The following TP63 variants were observed in gnomAD, a reference collection of about 807,000 sequenced individuals.
The protein encoded by TP63 is tumor protein 63.
TP63 carries 17 observed loss-of-function variants against 82.8 expected under a neutral mutation model. The ratio of observed to expected loss-of-function variants is 0.21; its 90% CI spans 0.14 to 0.31. The LOEUF is 0.31. Ranked by LOEUF, TP63 falls within the 10% of genes least tolerant of loss-of-function variation. The pLI is 1.00. For synonymous variants in TP63, 330 were observed against 321.7 expected (o/e 1.03, Z -0.28); for missense variants, 648 against 895.3 (o/e 0.72, Z 3.52).
At chr3:189,630,527 G>C (rs1729418021), upstream of TP63, among the ~76,000 whole-genome samples, 2 of 152,082 alleles carry the variant, frequency 1.3e-5, no homozygotes, top group African/African-American at 4.8e-5. Context: ...AGCAAAAACT[G>C]TAAGACATAA....
intron 3 of TP63, among the ~76,000 whole-genome samples, chr3:189,774,753 C>T (rs1451665464): frequency 6.6e-6 from 1 of 152,122 alleles, no homozygotes; most frequent in Non-Finnish European, 1.5e-5. Context: ...GTATCAGAAC[C>T]CAGACCTTTT....
chr3:189,624,698 G>A, the TP63 span, among the ~76,000 whole-genome samples: 1 of 152,104 alleles, frequency 6.6e-6, no homozygotes, highest in Non-Finnish European at 1.5e-5. Flanking sequence ...TAGAGAGGGG[G>A]TTTTGATTAA....
At chr3:189,880,059 T>C in intron 10 of TP63, 2 of 1,613,736 alleles carry the variant, frequency 1.2e-6, no homozygotes, top group South Asian at 1.1e-5. Context: ...GGTTCCTCTC[T>C]GCAGTCTCCT....
chr3:189,812,970 A>G (rs958363762), intron 4 of TP63, among the ~76,000 whole-genome samples: 3 of 152,226 alleles, frequency 2.0e-5, no homozygotes, highest in Non-Finnish European at 2.9e-5. Context: ...TAGATGGTAT[A>G]GGGTGATAAC....
At chr3:189,620,108 C>T in the TP63 span, among the ~76,000 whole-genome samples, 12 of 152,358 alleles carry the variant, frequency 7.9e-5, no homozygotes, top group African/African-American at 2.6e-4. Context: ...TGTGGTGGCT[C>T]ATGCCTGTAA....
intron 4 of TP63, among the ~76,000 whole-genome samples, chr3:189,841,322 A>T (rs895250065): frequency 6.6e-6 from 1 of 152,218 alleles, no homozygotes; most frequent in South Asian, 2.1e-4. Flanking sequence ...TTAGCTGAGG[A>T]TTAAATTAAT....
At chr3:189,769,201 A>G (rs1560169924) in intron 3 of TP63, among the ~76,000 whole-genome samples, 1 of 152,178 alleles carries the variant, frequency 6.6e-6, no homozygotes, top group Non-Finnish European at 1.5e-5. Context: ...TTATGCATAT[A>G]TGTATTTTTT....
chr3:189,772,848 A>T (rs898766911), intron 3 of TP63, among the ~76,000 whole-genome samples: 5 of 152,204 alleles, frequency 3.3e-5, no homozygotes, highest in African/African-American at 1.2e-4. Flanking sequence ...TTGCAGACAG[A>T]CTTCAAGGAA....
At chr3:189,849,640 C>T (rs2108762363) in intron 4 of TP63, among the ~76,000 whole-genome samples, 1 of 152,032 alleles carries the variant, frequency 6.6e-6, no homozygotes, top group South Asian at 2.1e-4. Context: ...GCTTTTTTTT[C>T]AAGACATGTG....
At chr3:189,698,334 T>C (rs1245938672) in intron 1 of TP63, among the ~76,000 whole-genome samples, 1 of 152,152 alleles carries the variant, frequency 6.6e-6, no homozygotes, top group Non-Finnish European at 1.5e-5. Context: ...GAATAATTTT[T>C]AAAAGTTTAC....
At chr3:189,630,927 A>G (rs913160338), upstream of TP63, among the ~76,000 whole-genome samples, 3 of 152,064 alleles carry the variant, frequency 2.0e-5, no homozygotes, top group Non-Finnish European at 4.4e-5. Context: ...AGGGAGGGAA[A>G]TAGATGAAAA....
intron 3 of TP63, among the ~76,000 whole-genome samples, chr3:189,771,341 T>C (rs1442301726): frequency 7.3e-6 from 1 of 136,566 alleles, no homozygotes; most frequent in Non-Finnish European, 1.5e-5. Flanking sequence ...TAATATATAT[T>C]TATATAATAT....
intron 1 of TP63, among the ~76,000 whole-genome samples, chr3:189,687,215 G>A (rs1197480470): frequency 1.3e-5 from 2 of 152,064 alleles, no homozygotes; most frequent in South Asian, 2.1e-4. Context: ...TCAAGTCCAT[G>A]GTCAAATCAG....
At chr3:189,598,054 A>G in the TP63 span, among the ~76,000 whole-genome samples, 1 of 152,218 alleles carries the variant, frequency 6.6e-6, no homozygotes, top group Non-Finnish European at 1.5e-5. Context: ...ACTGAAATGA[A>G]CTTATAAATT....
intron 1 of TP63, among the ~76,000 whole-genome samples, chr3:189,664,424 C>T (rs1714198099): frequency 6.6e-6 from 1 of 152,078 alleles, no homozygotes; most frequent in African/African-American, 2.4e-5. Context: ...TTGGTACTGC[C>T]ATCCTATTTC....
chr3:189,612,515 C>T, the TP63 span, among the ~76,000 whole-genome samples: 1 of 152,152 alleles, frequency 6.6e-6, no homozygotes, highest in Admixed American at 6.5e-5. Flanking sequence ...ATTGCCCAGT[C>T]TTGAGTATGT....
intron 1 of TP63, among the ~76,000 whole-genome samples, chr3:189,670,055 A>G (rs981486891): frequency 6.6e-6 from 1 of 152,002 alleles, no homozygotes; most frequent in Non-Finnish European, 1.5e-5. Flanking sequence ...ACAAAGTATA[A>G]ACCAACAAGA....
At chr3:189,848,718 C>A (rs906351410) in intron 4 of TP63, among the ~76,000 whole-genome samples, 1 of 152,170 alleles carries the variant, frequency 6.6e-6, no homozygotes, top group Admixed American at 6.5e-5. Flanking sequence ...AATCTGAGTT[C>A]ACTTCTTCAT....
intron 4 of TP63, among the ~76,000 whole-genome samples, chr3:189,819,747 C>CTTTTTTTT (rs367763002): frequency 3.3e-5 from 3 of 89,856 alleles, no homozygotes; most frequent in African/African-American, 8.3e-5. Context: ...TATATTTTAC[C>CTTTTTTTT]TTTTTTTTTT....
Sources: allele counts gnomAD v4.1 joint callset (sites outside exome capture counted in the v4.1 genomes callset), GRCh38; gene constraint gnomAD v4.1.1; transcripts MANE v1.5; gene names NCBI Gene and HGNC (gene_info 2026-07-23, HGNC 2026-07-21).